The following ZNF804A variants were observed in gnomAD, a reference collection of about 807,000 sequenced individuals.
ZNF804A encodes zinc finger protein 804A.
Under a neutral mutation model 16.5 loss-of-function variants are expected in ZNF804A, and 2 were observed. The ratio of observed to expected loss-of-function variants is 0.12; its 90% CI spans 0.05 to 0.38. The LOEUF is 0.38. Among genes scored for constraint, ZNF804A ranks in the 10% least tolerant of loss-of-function variants. ZNF804A has a pLI of 0.99. For synonymous variants in ZNF804A, 534 were observed against 489.6 expected (o/e 1.09, Z -1.20); for missense variants, 1,473 against 1,390.7 (o/e 1.06, Z -0.94).
chr2:184,882,319 T>A (rs1172792716), intron 2 of ZNF804A, among the ~76,000 whole-genome samples: 1 of 151,962 alleles, frequency 6.6e-6, no homozygotes, highest in Admixed American at 6.6e-5. Flanking sequence ...TCCTAAAGAC[T>A]TATGAAGAAA....
intron 1 of ZNF804A, among the ~76,000 whole-genome samples, chr2:184,722,644 C>A (rs1693336275): frequency 6.6e-6 from 1 of 151,882 alleles, no homozygotes; most frequent in Non-Finnish European, 1.5e-5. Context: ...CAAATAACAC[C>A]ACTGATACGT....
At chr2:184,820,090 TA>T (rs1391853330) in intron 1 of ZNF804A, among the ~76,000 whole-genome samples, 1 of 151,904 alleles carries the variant, frequency 6.6e-6, no homozygotes, top group East Asian at 1.9e-4. Context: ...CTCCTGATAC[TA>T]AAACCTGGCA....
chr2:184,627,961 A>C (rs1691532103), intron 1 of ZNF804A, among the ~76,000 whole-genome samples: 1 of 152,246 alleles, frequency 6.6e-6, no homozygotes, highest in Non-Finnish European at 1.5e-5. Flanking sequence ...GGAGTTTCTT[A>C]TGTATAACTG....
Position 184,667,608 on chromosome 2 carries a change from A to G in ZNF804A, c.111+68538A>G, listed in dbSNP as rs1219383169. ...ATGAAAAGGGCCTTTCACTATTCAT[A>G]AACATATTAGGAAATTTAGAAAATG... is the stretch of plus-strand genomic sequence containing the variant. On this transcript the variant is annotated intron_variant, in intron 1 of 3. Coordinates refer to ENST00000302277, the MANE Select transcript of ZNF804A (RefSeq NM_194250.2). Among the ~76,000 whole-genome samples, 4 of 152,014 alleles carry G rather than the reference A, an allele frequency of 2.6e-5. No homozygotes were observed. In the East Asian group the frequency reaches 5.8e-4, roughly 22 times the overall value.
chr2:184,891,443 T>A (rs963483999), intron 2 of ZNF804A, among the ~76,000 whole-genome samples: 2 of 152,138 alleles, frequency 1.3e-5, no homozygotes, highest in Admixed American at 6.6e-5. Flanking sequence ...GTTAAAATCA[T>A]AATGGAATGC....
chr2:184,719,352 C>T (rs1411560743), intron 1 of ZNF804A, among the ~76,000 whole-genome samples: 2 of 152,020 alleles, frequency 1.3e-5, no homozygotes, highest in African/African-American at 2.4e-5. Context: ...TCTGACATGC[C>T]CTGGAGACAT....
chr2:184,738,057 C>G (rs189804042), intron 1 of ZNF804A, among the ~76,000 whole-genome samples: 1 of 147,178 alleles, frequency 6.8e-6, no homozygotes, highest in African/African-American at 2.5e-5. Context: ...ACCTGGGAGG[C>G]GGAGGGTGCA....
At chr2:184,679,275 T>C (rs916770978) in intron 1 of ZNF804A, among the ~76,000 whole-genome samples, 2 of 152,196 alleles carry the variant, frequency 1.3e-5, no homozygotes, top group African/African-American at 2.4e-5. Context: ...TAACACAAAA[T>C]ACAAATGTAA....
intron 2 of ZNF804A, among the ~76,000 whole-genome samples, chr2:184,875,896 T>C (rs1696047276): frequency 6.6e-6 from 1 of 152,082 alleles, no homozygotes; most frequent in Non-Finnish European, 1.5e-5. Context: ...CTATGGGCAA[T>C]TCAAAGTTAT....
At chr2:184,850,749 A>G (rs1461044717) in intron 1 of ZNF804A, among the ~76,000 whole-genome samples, 2 of 151,882 alleles carry the variant, frequency 1.3e-5, no homozygotes, top group Non-Finnish European at 2.9e-5. Context: ...TTAAATGTTA[A>G]TTAGATACAA....
At chr2:184,749,123 G>T (rs1693839210) in intron 1 of ZNF804A, among the ~76,000 whole-genome samples, 1 of 151,094 alleles carries the variant, frequency 6.6e-6, no homozygotes, top group South Asian at 2.1e-4. Context: ...ATTTTGTGAG[G>T]AATTATATGG....
At chr2:184,767,037 G>A (rs1156932138) in intron 1 of ZNF804A, among the ~76,000 whole-genome samples, 1 of 152,154 alleles carries the variant, frequency 6.6e-6, no homozygotes. Context: ...CGAGAAAGCA[G>A]CTTTATCTAC....
At chr2:184,802,463 T>A (rs192352171) in intron 1 of ZNF804A, among the ~76,000 whole-genome samples, 20 of 152,344 alleles carry the variant, frequency 1.3e-4, no homozygotes. Context: ...GACTGTGGCC[T>A]TCAGAAGTTT....
At chr2:184,901,115 C>T (rs1685174700) in intron 2 of ZNF804A, among the ~76,000 whole-genome samples, 1 of 152,126 alleles carries the variant, frequency 6.6e-6, no homozygotes, top group African/African-American at 2.4e-5. Context: ...TCCTACACTG[C>T]TTAAAATGGC....
intron 1 of ZNF804A, among the ~76,000 whole-genome samples, chr2:184,826,797 C>T (rs180878018): frequency 1.4e-4 from 22 of 152,140 alleles, no homozygotes; most frequent in South Asian, 2.1e-4. Context: ...CTGTTTTTTA[C>T]ACTGCATGTA....
At position 184,849,766 on chromosome 2, in the gene ZNF804A, C is replaced by T. The variant is rs535742414; in HGVS notation, c.112-16603C>T. 8.0e-4 allele frequency among the ~76,000 whole-genome samples: 121 copies of T among 152,086 alleles called. 2 individuals carry two copies. The highest frequency in any genetic ancestry group is 2.1e-3 in the South Asian group (10 of 4,826). On this transcript the variant is annotated intron_variant, in intron 1 of 3. Transcript: ENST00000302277. ...GTATATTGAGGAGATATCTGCACTC[C>T]TATGCTTATTGCATCACTATTCACA...
At chr2:184,643,713 G>A (rs1242552942) in intron 1 of ZNF804A, among the ~76,000 whole-genome samples, 1 of 151,184 alleles carries the variant, frequency 6.6e-6, no homozygotes, top group Non-Finnish European at 1.5e-5. Context: ...GTAAATTATA[G>A]GTAAACATGT....
At chr2:184,851,162 A>C (rs771063005) in intron 1 of ZNF804A, among the ~76,000 whole-genome samples, 3 of 151,832 alleles carry the variant, frequency 2.0e-5, no homozygotes, top group Non-Finnish European at 2.9e-5. Flanking sequence ...TATATGCATT[A>C]CCTCATATAC....
chr2:184,714,460 A>T (rs909801487), intron 1 of ZNF804A, among the ~76,000 whole-genome samples: 2 of 152,244 alleles, frequency 1.3e-5, no homozygotes, highest in African/African-American at 4.8e-5. Flanking sequence ...AAATATATTT[A>T]CATTTGTTCA....
Sources: allele counts gnomAD v4.1 joint callset (sites outside exome capture counted in the v4.1 genomes callset), GRCh38; gene constraint gnomAD v4.1.1; transcripts MANE v1.5; gene names NCBI Gene and HGNC (gene_info 2026-07-23, HGNC 2026-07-21).